Variants in TTLL11 observed in about 807,000 individuals in gnomAD.
TTLL11 encodes tubulin polyglutamylase TTLL11.
In TTLL11, 42 loss-of-function variants were observed where a neutral mutation model predicts 51.7. The ratio of observed to expected loss-of-function variants is 0.81; its 90% CI spans 0.64 to 1.05. The LOEUF is 1.05. TTLL11 is among the 50% of genes least tolerant of loss of function. The pLI is 0.00. For missense variants in TTLL11, 799 were observed against 940.4 expected, an observed-to-expected ratio of 0.85 and a Z score of 1.97; for synonymous variants, 381 against 383.5, an observed-to-expected ratio of 0.99 and a Z score of 0.08.
intron 3 of TTLL11, among the ~76,000 whole-genome samples, chr9:122,003,483 C>CTTTTTTT (rs398012131): frequency 8.6e-6 from 1 of 116,450 alleles, no homozygotes; most frequent in Non-Finnish European, 1.8e-5. Context: ...GCATACGTTC[C>CTTTTTTT]TTTTTTTTTT....
intron 3 of TTLL11, among the ~76,000 whole-genome samples, chr9:122,031,484 C>T (rs762687676): frequency 6.6e-6 from 1 of 152,190 alleles, no homozygotes; most frequent in South Asian, 2.1e-4. Flanking sequence ...GTTTTGATAT[C>T]CGCCTTAGGG....
chr9:121,999,196 C>T (rs1843385130), intron 3 of TTLL11, among the ~76,000 whole-genome samples: 1 of 152,228 alleles, frequency 6.6e-6, no homozygotes. Flanking sequence ...TCCAGGATCA[C>T]AGGTGACATT....
At chr9:121,953,772 C>T (rs561701212) in intron 6 of TTLL11, among the ~76,000 whole-genome samples, 139 of 152,028 alleles carry the variant, frequency 9.1e-4, no homozygotes, top group Non-Finnish European at 1.5e-3. Context: ...CCAAAAAACC[C>T]GACGAACCTT....
intron 8 of TTLL11, among the ~76,000 whole-genome samples, chr9:121,839,995 C>T (rs1049016512): frequency 5.9e-5 from 9 of 152,180 alleles, no homozygotes; most frequent in Non-Finnish European, 1.2e-4. Flanking sequence ...CGTTAGAGCA[C>T]AAATGAGAGA....
chr9:122,047,420 G>T (rs1490071796), intron 1 of TTLL11, among the ~76,000 whole-genome samples: 2 of 152,148 alleles, frequency 1.3e-5, no homozygotes, highest in African/African-American at 4.8e-5. Flanking sequence ...GAGGGTCAGG[G>T]TGGCTGCAGC....
Position 121,875,671 on chromosome 9 carries a change from G to A in TTLL11, c.1482-4923C>T, listed in dbSNP as rs150062866. Reference sequence around the variant, plus strand: ...GAGATAATTCCAATTATCATGTTGAGATCCAAGCCATCACAAATATGTAAG... The same window carrying A: ...GAGATAATTCCAATTATCATGTTGAAATCCAAGCCATCACAAATATGTAAG... On this transcript the variant is annotated intron_variant, in intron 6 of 8. Transcript: ENST00000321582. Among the ~76,000 whole-genome samples, 673 of 152,268 alleles carry A rather than the reference G, an allele frequency of 4.4e-3. 6 individuals are homozygous for A. The highest frequency in any genetic ancestry group is 0.015 in the African/African-American group (630 of 41,556).
Position 121,822,983 on chromosome 9 carries a change from T to C in TTLL11, c.1841-104A>G. On this transcript the variant is annotated intron_variant, in intron 8 of 8. Coordinates refer to ENST00000321582, the MANE Select transcript of TTLL11 (RefSeq NM_001139442.2). The surrounding 1 kb of genome is among the most constrained non-coding windows in gnomAD (Gnocchi z 5.8). ...GGATGTCAGCAAGAGCTAGCCCCGC[T>C]CCCCACCACCGTCTCCATTCCAGAA... 7.8e-7 allele frequency: 1 copy of C among 1,285,354 alleles called. No homozygotes were observed. Among genetic ancestry groups the C allele is most frequent in the Non-Finnish European group, 1.1e-6 (1 of 951,518 alleles). 79.6% of individuals were successfully genotyped at this position (1,285,354 alleles called of 1,614,324 possible).
In TTLL11 at chr9:121,817,826, G is replaced by A. The variant is rs1836454369; in HGVS notation, c.*4761C>T. On this transcript the variant is annotated 3_prime_UTR_variant, in exon 9 of 9. Transcript: ENST00000321582. ...CCTCGAGACCTTGGTCAGTCACTAA[G>A]CCTCCTGGAAGCCACTTCCCTGCCT... 1 of 152,262 alleles carries A rather than the reference G, an allele frequency of 6.6e-6. No individual in the cohort carries two copies. Among genetic ancestry groups the A allele is most frequent in the Non-Finnish European group, 1.5e-5 (1 of 68,086 alleles). The allele number at this position is 152,262 out of a possible 1,614,324, so 9.4% of individuals were successfully genotyped here.
chr9:121,935,656 A>C (rs927569259), intron 6 of TTLL11, among the ~76,000 whole-genome samples: 1 of 152,258 alleles, frequency 6.6e-6, no homozygotes, highest in Admixed American at 6.5e-5. Context: ...GGAGAAAATA[A>C]GTTAGGAGAT....
chr9:121,931,191 T>A (rs542065686), intron 6 of TTLL11, among the ~76,000 whole-genome samples: 1 of 152,362 alleles, frequency 6.6e-6, no homozygotes, highest in South Asian at 2.1e-4. Context: ...CTGTCCCATT[T>A]GTCAAACACC....
At position 122,010,632 on chromosome 9, in the gene TTLL11, A is replaced by G. The variant is rs114872888; in HGVS notation, c.694-20862T>C. 8.4e-3 allele frequency among the ~76,000 whole-genome samples: 1,285 copies of G among 152,334 alleles called. 21 individuals carry two copies. The highest frequency in any genetic ancestry group is 0.029 in the African/African-American group (1,219 of 41,582). ...CTAACCATTAGTTATGCTGCTACAA[A>G]AACAAGCATTCAAATATAGTATTGT... On this transcript the variant is annotated intron_variant, in intron 3 of 8. Coordinates refer to ENST00000321582, the MANE Select transcript of TTLL11 (RefSeq NM_001139442.2).
In TTLL11 at chr9:122,025,298, C is replaced by T. The variant is rs116919971; in HGVS notation, c.693+6425G>A. Among the ~76,000 whole-genome samples, 699 of 152,246 alleles carry T rather than the reference C, an allele frequency of 4.6e-3. 6 individuals are homozygous for T. Among genetic ancestry groups the T allele is most frequent in the South Asian group, 0.011 (54 of 4,824 alleles). On this transcript the variant is annotated intron_variant, in intron 3 of 8. Coordinates refer to ENST00000321582, the MANE Select transcript of TTLL11 (RefSeq NM_001139442.2). Reference sequence around the variant, plus strand: ...ACAACTGATGACAGGTCACTACATACCTATTAGAATGGCTAAAATTAAAAA... The same window carrying T: ...ACAACTGATGACAGGTCACTACATATCTATTAGAATGGCTAAAATTAAAAA...
intron 3 of TTLL11, among the ~76,000 whole-genome samples, chr9:122,020,751 G>A (rs572548085): frequency 6.6e-6 from 1 of 152,356 alleles, no homozygotes; most frequent in South Asian, 2.1e-4. Context: ...ATAAGAGGAG[G>A]AAGGCAGCTA....
In TTLL11 at chr9:121,819,624, G is replaced by T. The variant is rs967487640; in HGVS notation, c.*2963C>A. Among the ~76,000 whole-genome samples the T allele has an allele frequency of 6.6e-6, 1 of 152,174 alleles. No homozygotes were observed. Among genetic ancestry groups the T allele is most frequent in the Non-Finnish European group, 1.5e-5 (1 of 68,030 alleles). On this transcript the variant is annotated 3_prime_UTR_variant, in exon 9 of 9. Coordinates refer to ENST00000321582, the MANE Select transcript of TTLL11 (RefSeq NM_001139442.2). ...GAGGAGCGGGAAGGGGCAAGAGAGC[G>T]GGAGGGAGAAGACGCTGGAGATGGA...
intron 8 of TTLL11, among the ~76,000 whole-genome samples, chr9:121,852,762 G>T (rs1478382348): frequency 6.6e-6 from 1 of 152,202 alleles, no homozygotes; most frequent in East Asian, 1.9e-4. Flanking sequence ...CGGCATCTCT[G>T]CTGGCTCTCT....
rs1171227988 is a variant in TTLL11 at position 121,826,557 on chromosome 9, GTA to G, written c.1841-3680_1841-3679del. 3.4e-3 allele frequency among the ~76,000 whole-genome samples: 175 copies of G among 51,254 alleles called. 5 individuals are homozygous for G. The highest frequency in any genetic ancestry group is 4.5e-3 in the Admixed American group (24 of 5,314). 33.6% of individuals were successfully genotyped at this position (51,254 alleles called of 152,430 possible). ...TGTGTGTATATATATATATGTGTGTGTATATATATATATATATATATATATGT... is the reference window on the plus strand; with the variant it reads ...TGTGTGTATATATATATATGTGTGTGTATATATATATATATATATATATGT... On this transcript the variant is annotated intron_variant, in intron 8 of 8. Coordinates refer to ENST00000321582, the MANE Select transcript of TTLL11 (RefSeq NM_001139442.2).
intron 6 of TTLL11, among the ~76,000 whole-genome samples, chr9:121,895,665 G>A (rs199917676): frequency 1.0e-4 from 7 of 66,774 alleles, no homozygotes; most frequent in African/African-American, 3.9e-4. Context: ...GTGTGGTTGT[G>A]TGTGTTTATG....
At chr9:121,896,467 A>C (rs1331565084) in intron 6 of TTLL11, among the ~76,000 whole-genome samples, 1 of 151,318 alleles carries the variant, frequency 6.6e-6, no homozygotes, top group Non-Finnish European at 1.5e-5. Context: ...TTGGTGCCCA[A>C]CCTCTTCGGT....
At chr9:121,911,281 C>T (rs1257661952) in intron 6 of TTLL11, among the ~76,000 whole-genome samples, 1 of 152,128 alleles carries the variant, frequency 6.6e-6, no homozygotes, top group Non-Finnish European at 1.5e-5. Context: ...TCTGTAATCC[C>T]AGCTACTCTG....
Sources: gnomAD v4.1 joint callset for allele counts (sites outside exome capture counted in the v4.1 genomes callset) on GRCh38, gnomAD v4.1.1 for gene constraint, Gnocchi (gnomAD v3.1) non-coding constraint, MANE v1.5 for transcripts, NCBI Gene and HGNC (gene_info 2026-07-23, HGNC 2026-07-21) for gene names.